The following COL3A1 variants were observed in gnomAD, a reference collection of about 807,000 sequenced individuals.
COL3A1 encodes collagen type III alpha 1 chain, also known as collagen alpha-1(III) chain.
A neutral mutation model predicts 200.9 loss-of-function variants in COL3A1; 46 were observed. The ratio of observed to expected loss-of-function variants is 0.23; its 90% CI spans 0.18 to 0.29. The LOEUF is 0.29. Ranked by LOEUF, COL3A1 falls within the 10% of genes least tolerant of loss-of-function variation. The pLI, the probability that COL3A1 is intolerant of heterozygous loss-of-function variation, is 1.00. For missense variants in COL3A1, 1,367 were observed against 1,917.6 expected, an observed-to-expected ratio of 0.71 and a Z score of 5.36; for synonymous variants, 650 against 628.0, an observed-to-expected ratio of 1.03 and a Z score of -0.52.
At chr2:188,997,665 T>C in intron 26 of COL3A1, 35 bp from the exon 27 acceptor site, 1 of 1,591,720 alleles carries the variant, frequency 6.3e-7, no homozygotes, top group Non-Finnish European at 8.6e-7. Context: ...TATAAAAGGA[T>C]GTTTACAACA....
intron 32 of COL3A1, among the ~76,000 whole-genome samples, 155 bp from the exon 33 acceptor site, chr2:189,001,242 C>A (rs973179150): frequency 5.3e-5 from 8 of 151,934 alleles, no homozygotes; most frequent in African/African-American, 1.7e-4. Context: ...AGTATTTACA[C>A]ATTGAGAGAA....
At position 188,995,032 on chromosome 2, in the gene COL3A1, T is replaced by C. The variant is rs1688273766; in HGVS notation, c.1456-14T>C. ...ATCCTTTGGACTGAAATACTTGTCT[T>C]TCATTATTTTCAGGGTGCCCCTGGG... On this transcript the variant is annotated splice_polypyrimidine_tract_variant and intron_variant, in intron 20 of 50. Transcript: ENST00000304636. 1 of 1,613,850 alleles carries C rather than the reference T, an allele frequency of 6.2e-7. No individual in the cohort carries two copies. Among genetic ancestry groups the C allele is most frequent in the South Asian group, 1.1e-5 (1 of 91,082 alleles).
At position 188,988,752 on chromosome 2, in the gene COL3A1, C is replaced by G. The variant is rs1688115503; in HGVS notation, c.636+109C>G. On this transcript the variant is annotated intron_variant, in intron 7 of 50. Coordinates refer to ENST00000304636, the MANE Select transcript of COL3A1 (RefSeq NM_000090.4). ...TTACAGAATGAAGATTAAATTTACC[C>G]TTAAGTTTGTAAATAACGAATAGCA... 3 of 754,582 alleles carry G rather than the reference C, an allele frequency of 4.0e-6. No individual in the cohort carries two copies. The South Asian group carries it at 5.0e-5, about 13-fold the overall frequency. 46.7% of individuals were successfully genotyped at this position (754,582 alleles called of 1,614,324 possible).
At chr2:188,997,583 C>T in intron 26 of COL3A1, 117 bp from the exon 27 acceptor site, 1 of 1,210,324 alleles carries the variant, frequency 8.3e-7, no homozygotes, top group East Asian at 2.5e-5. Context: ...GGGTCCAGGT[C>T]CTCCCTTTTC....
chr2:188,985,837 T>G, intron 4 of COL3A1, 59 bp downstream of exon 4: 1 of 1,121,322 alleles, frequency 8.9e-7, no homozygotes, highest in Non-Finnish European at 1.4e-6. Flanking sequence ...TCATCTTCTT[T>G]CTTTACTCGA....
At position 189,006,385 on chromosome 2, in the gene COL3A1, C is replaced by A; in HGVS notation, c.3134C>A (p.Ala1045Asp). ...GENGSPGAPG[A>D]PGHPGPPGPV... is the part of the protein sequence containing the mutation. ...AATGGCTCTCCTGGTGCCCCTGGCGCTCCTGGTCATCCAGGCCCACCTGGT... is the reference window on the plus strand; with the variant it reads ...AATGGCTCTCCTGGTGCCCCTGGCGATCCTGGTCATCCAGGCCCACCTGGT... The change falls in exon 43 of 51, where the codon GCT becomes GAT. Residue 1045 changes from alanine to aspartate, a missense_variant. Ala to Asp is a moderately radical substitution (Grantham distance 126). This residue lies in a region of COL3A1 where 846 missense variants were observed against 1,147.9 expected (regional missense o/e 0.74). Coordinates refer to ENST00000304636, the MANE Select transcript of COL3A1 (RefSeq NM_000090.4). The A allele has an allele frequency of 6.2e-7, 1 of 1,614,180 alleles. No individual in the cohort carries two copies. The highest frequency in any genetic ancestry group is 8.5e-7 in the Non-Finnish European group (1 of 1,180,020).
At chr2:188,989,570 T>A in intron 8 of COL3A1, 121 bp downstream of exon 8, 1 of 773,298 alleles carries the variant, frequency 1.3e-6, no homozygotes, top group Non-Finnish European at 2.1e-6. Context: ...ATTGTTGTCT[T>A]AACAACATTT....
intron 8 of COL3A1, 111 bp downstream of exon 8, chr2:188,989,560 ATTG>A (rs1295952475): frequency 2.4e-6 from 2 of 836,612 alleles, no homozygotes; most frequent in African/African-American, 1.7e-5. Flanking sequence ...TATTCAAAAT[ATTG>A]TTGTCTTAAC....
intron 1 of COL3A1, among the ~76,000 whole-genome samples, chr2:188,974,821 C>T (rs752537682): frequency 1.2e-4 from 18 of 152,126 alleles, no homozygotes; most frequent in Non-Finnish European, 2.5e-4. Flanking sequence ...ATGTTAAAGG[C>T]ACTGGAAACT....
intron 1 of COL3A1, among the ~76,000 whole-genome samples, chr2:188,983,381 G>A (rs1687995477): frequency 6.6e-6 from 1 of 151,940 alleles, no homozygotes; most frequent in Non-Finnish European, 1.5e-5. Flanking sequence ...CACATAAATG[G>A]AAATGAGGTG....
intron 1 of COL3A1, among the ~76,000 whole-genome samples, chr2:188,980,480 T>C (rs1687929910): frequency 6.8e-6 from 1 of 147,792 alleles, no homozygotes; most frequent in Non-Finnish European, 1.5e-5. Flanking sequence ...TTAATTGAAT[T>C]CTAAAAGATT....
chr2:188,996,317 C>CAT (rs1688316418), intron 23 of COL3A1, 81 bp from the exon 24 acceptor site: 11 of 1,048,374 alleles, frequency 1.0e-5, no homozygotes, highest in Non-Finnish European at 1.3e-5. Context: ...CACACACACA[C>CAT]ACACACACAC....
rs1441778158 is a variant in COL3A1 at position 188,989,417 on chromosome 2, G to A, written c.658G>A (p.Ala220Thr). ...TCAGGGCCCTCCAGGACCTCCTGGT[G>A]CTATAGGTCCATCTGGTCCTGCTGG... Reference protein sequence around the residue: ...GPSGPPGPPGAIGPSGPAGKD... With the variant: ...GPSGPPGPPGTIGPSGPAGKD... Residue 220 changes from alanine to threonine, a missense_variant, in exon 8 of 51, where the codon GCT (alanine) becomes ACT (threonine). Ala to Thr is a moderately conservative substitution (Grantham distance 58). Coordinates refer to ENST00000304636, the MANE Select transcript of COL3A1 (RefSeq NM_000090.4). The A allele has an allele frequency of 6.2e-7, 1 of 1,606,200 alleles. No individual in the cohort carries two copies. Among genetic ancestry groups the A allele is most frequent in the Non-Finnish European group, 8.5e-7 (1 of 1,176,302 alleles).
chr2:189,010,920 T>G, intron 50 of COL3A1, 30 bp downstream of exon 50: 1 of 1,613,676 alleles, frequency 6.2e-7, no homozygotes. Flanking sequence ...ATATAGGTCA[T>G]AAAGCAGTCA....
At chr2:188,975,699 G>A (rs1687793807) in intron 1 of COL3A1, among the ~76,000 whole-genome samples, 1 of 152,072 alleles carries the variant, frequency 6.6e-6, no homozygotes, top group African/African-American at 2.4e-5. Flanking sequence ...GAGGGGAGGG[G>A]TAGATATACA....
chr2:188,984,596 C>T (rs1219532215), intron 1 of COL3A1, among the ~76,000 whole-genome samples, 164 bp from the exon 2 acceptor site: 1 of 150,066 alleles, frequency 6.7e-6, no homozygotes, highest in Non-Finnish European at 1.5e-5. Context: ...TTTCTTGCTA[C>T]TTAGCAAATT....
chr2:188,992,740 T>A lies in COL3A1; in HGVS notation c.997-147T>A, dbSNP rs1463668895. 31 of 726,812 alleles carry A rather than the reference T, an allele frequency of 4.3e-5. 1 individual carries two copies. The South Asian group carries it at 5.0e-4, about 12-fold the overall frequency. 45.0% of individuals were successfully genotyped at this position (726,812 alleles called of 1,614,324 possible). A position where few individuals can be genotyped will look rare whatever the true frequency, so the allele number is the denominator to read the frequency against. On this transcript the variant is annotated intron_variant, in intron 14 of 50. Transcript: ENST00000304636. ...ACTCTTTTCTTATTTTACCACATTGTTTCTCTACATAATATCCATAAAATA... is the reference window on the plus strand; with the variant it reads ...ACTCTTTTCTTATTTTACCACATTGATTCTCTACATAATATCCATAAAATA...
chr2:189,007,784 A>T (rs1688627961), intron 45 of COL3A1, 101 bp from the exon 46 acceptor site: 1 of 1,471,666 alleles, frequency 6.8e-7, no homozygotes, highest in East Asian at 2.3e-5. Flanking sequence ...AAGAAAAAAA[A>T]TTTCATCATG....
rs138533702 is a variant in COL3A1, at chr2:189,011,674, G to A, written c.4301G>A (p.Arg1434His). The change falls in exon 51 of 51, where the codon CGC becomes CAC. Residue 1434 changes from arginine (R) to histidine (H), a missense_variant. This residue lies in a region of COL3A1 where 846 missense variants were observed against 1,147.9 expected (regional missense o/e 0.74). Transcript: ENST00000304636. The part of the protein sequence containing the change: ...WSKTVFEYRT[R>H]KAVRLPIVDI... The stretch of plus-strand genomic sequence containing the variant: ...AAAACAGTCTTTGAATATCGAACAC[G>A]CAAGGCTGTGAGACTACCTATTGTA... 2.5e-5 allele frequency: 40 copies of A among 1,613,820 alleles called. No individual in the cohort carries two copies. In the African/African-American group the frequency reaches 3.2e-4, roughly 13 times the overall value.
Sources: gnomAD v4.1 joint callset for allele counts (sites outside exome capture counted in the v4.1 genomes callset) on GRCh38, gnomAD v4.1.1 for gene constraint, gnomAD v4.1.1 regional missense constraint, MANE v1.5 for transcripts, NCBI Gene and HGNC (gene_info 2026-07-23, HGNC 2026-07-21) for gene names.